PSMA1: variants seen among roughly 807,000 people sequenced by gnomAD.
PSMA1 encodes the protein proteasome subunit alpha type-1.
In PSMA1, 3 loss-of-function variants were observed where a neutral mutation model predicts 38.4. The ratio of observed to expected loss-of-function variants is 0.08; its 90% CI spans 0.04 to 0.20. PSMA1 has a LOEUF of 0.20. Among genes scored for constraint, PSMA1 ranks in the 10% least tolerant of loss-of-function variants. The pLI is 1.00. For missense variants in PSMA1, 227 were observed against 325.3 expected, an observed-to-expected ratio of 0.70 and a Z score of 2.32; for synonymous variants, 101 against 107.1, an observed-to-expected ratio of 0.94 and a Z score of 0.35.
chr11:14,510,809 AT>A, intron 8 of PSMA1, 62 bp downstream of exon 8: 1 of 1,193,792 alleles, frequency 8.4e-7, no homozygotes, highest in South Asian at 1.4e-5. Flanking sequence ...ACTCCATTAC[AT>A]TTATGCAATA....
chr11:14,624,609 G>T (rs1339014887), intron 1 of PSMA1, among the ~76,000 whole-genome samples: 2 of 152,178 alleles, frequency 1.3e-5, no homozygotes, highest in African/African-American at 4.8e-5. Flanking sequence ...TATAGATACT[G>T]CCAGGGCAGT....
Position 14,520,358 on chromosome 11 carries a change from C to T in PSMA1, c.-59G>A. The T allele has an allele frequency of 1.2e-6, 2 of 1,614,232 alleles. No homozygotes were observed. The highest frequency in any genetic ancestry group is 1.7e-6 in the Non-Finnish European group (2 of 1,180,034). On this transcript the variant is annotated 5_prime_UTR_variant, in exon 1 of 10. Transcript: ENST00000396394. The stretch of plus-strand genomic sequence containing the variant: ...AAAACTGAGAATCAAGGAGGTGCTG[C>T]CGAAAGTATCGCTCAGCGATCTACA...
intron 1 of PSMA1, among the ~76,000 whole-genome samples, chr11:14,617,781 T>C (rs531451721): frequency 6.6e-6 from 1 of 152,042 alleles, no homozygotes; most frequent in Non-Finnish European, 1.5e-5. Flanking sequence ...ACCGCTGCTG[T>C]GACTCATGGC....
At chr11:14,606,613 G>T (rs910035106) in intron 2 of PSMA1, among the ~76,000 whole-genome samples, 1 of 152,124 alleles carries the variant, frequency 6.6e-6, no homozygotes, top group African/African-American at 2.4e-5. Context: ...TCTAATTCAT[G>T]TGCATCAAAA....
At chr11:14,541,390 T>G (rs1851771723) in intron 2 of PSMA1, among the ~76,000 whole-genome samples, 2 of 152,218 alleles carry the variant, frequency 1.3e-5, no homozygotes. Context: ...AACTAGACCC[T>G]ATTTGTACAG....
At chr11:14,543,686 G>A (rs1405424130) in intron 2 of PSMA1, among the ~76,000 whole-genome samples, 1 of 152,104 alleles carries the variant, frequency 6.6e-6, no homozygotes, top group Non-Finnish European at 1.5e-5. Context: ...CATACAGTAA[G>A]TCCTCACTTA....
At chr11:14,515,483 T>C (rs1194876531) in intron 4 of PSMA1, among the ~76,000 whole-genome samples, 2 of 152,014 alleles carry the variant, frequency 1.3e-5, no homozygotes, top group East Asian at 1.9e-4. Flanking sequence ...TTTTGAAGAG[T>C]AGGTGGAAAC....
intron 1 of PSMA1, among the ~76,000 whole-genome samples, chr11:14,642,909 C>T (rs1484850439): frequency 4.6e-5 from 7 of 152,020 alleles, no homozygotes; most frequent in Non-Finnish European, 8.8e-5. Flanking sequence ...TAGTTCTCTC[C>T]GCTCCCCCAT....
At chr11:14,595,743 T>G (rs974513483) in intron 2 of PSMA1, among the ~76,000 whole-genome samples, 4 of 152,240 alleles carry the variant, frequency 2.6e-5, no homozygotes, top group African/African-American at 9.6e-5. Flanking sequence ...GCTCTTGAGT[T>G]TAATTAGATC....
intron 2 of PSMA1, among the ~76,000 whole-genome samples, chr11:14,597,307 T>A (rs540659293): frequency 1.3e-5 from 2 of 152,238 alleles, no homozygotes; most frequent in Non-Finnish European, 2.9e-5. Context: ...TGGAATAGTT[T>A]CAAAAGGAAT....
chr11:14,594,070 A>C (rs537490670), intron 2 of PSMA1, among the ~76,000 whole-genome samples: 10 of 152,362 alleles, frequency 6.6e-5, no homozygotes, highest in African/African-American at 2.4e-4. Flanking sequence ...GATGTTGGAC[A>C]AAGCTAATGT....
chr11:14,610,917 G>A, intron 2 of PSMA1: 3 of 1,586,484 alleles, frequency 1.9e-6, no homozygotes, highest in Non-Finnish European at 1.7e-6. Context: ...ATAGTGAGAT[G>A]TGAAATCTAT....
chr11:14,626,188 T>C (rs1322727268), intron 1 of PSMA1, among the ~76,000 whole-genome samples: 1 of 152,018 alleles, frequency 6.6e-6, no homozygotes, highest in Non-Finnish European at 1.5e-5. Context: ...GATAATCTTT[T>C]GTACAGTCTG....
intron 2 of PSMA1, among the ~76,000 whole-genome samples, chr11:14,591,661 C>G (rs376164078): frequency 3.9e-5 from 6 of 152,088 alleles, no homozygotes; most frequent in Non-Finnish European, 7.4e-5. Flanking sequence ...TCTGGGGCCT[C>G]GGAGAACCTG....
chr11:14,592,374 C>CTA lies in PSMA1; in HGVS notation c.21+18591_21+18592insTA, dbSNP rs1467036149. ...ACACAGTCTCTCTCTCTCTCTCTCT[C>CTA]TCTATATATATATATATATATTTTT... On this transcript the variant is annotated intron_variant, in intron 2 of 10. Coordinates refer to the PSMA1 transcript ENST00000418988. Among the ~76,000 whole-genome samples the CTA allele has an allele frequency of 8.7e-4, 104 of 119,248 alleles. 1 individual carries two copies. The highest frequency in any genetic ancestry group is 9.0e-3 in the Middle Eastern group (2 of 222). The allele number at this position is 119,248 out of a possible 152,430, so 78.2% of individuals were successfully genotyped here.
intron 1 of PSMA1, among the ~76,000 whole-genome samples, chr11:14,634,342 C>T (rs1015656936): frequency 1.3e-5 from 2 of 152,168 alleles, no homozygotes; most frequent in East Asian, 1.9e-4. Flanking sequence ...TCTATCCCAA[C>T]ACTTGTACAC....
chr11:14,573,609 G>T (rs552188905), intron 2 of PSMA1, among the ~76,000 whole-genome samples: 77 of 152,172 alleles, frequency 5.1e-4, no homozygotes, highest in Non-Finnish European at 9.0e-4. Flanking sequence ...GCACAAGACA[G>T]GGATGGCCTC....
intron 2 of PSMA1, among the ~76,000 whole-genome samples, chr11:14,528,886 A>G (rs560867422): frequency 1.3e-5 from 2 of 152,222 alleles, no homozygotes; most frequent in South Asian, 4.2e-4. Flanking sequence ...TGCCCCTAAA[A>G]CATTGCTCTT....
chr11:14,572,767 G>A (rs1589996244), intron 2 of PSMA1, among the ~76,000 whole-genome samples: 1 of 152,048 alleles, frequency 6.6e-6, no homozygotes, highest in South Asian at 2.1e-4. Context: ...TAGACTGATA[G>A]CAAGACTAAT....
Sources: allele counts gnomAD v4.1 joint callset (sites outside exome capture counted in the v4.1 genomes callset), GRCh38; gene constraint gnomAD v4.1.1; transcripts MANE v1.5; gene names NCBI Gene and HGNC (gene_info 2026-07-23, HGNC 2026-07-21).